The following CDK7 variants were observed in gnomAD, a reference collection of about 807,000 sequenced individuals.
The protein encoded by CDK7 is cyclin-dependent kinase 7.
Under a neutral mutation model 49.1 loss-of-function variants are expected in CDK7, and 25 were observed. The observed-to-expected ratio is 0.51, with a 90% confidence interval of 0.37 to 0.71. CDK7 has a LOEUF of 0.71. Ranked by LOEUF, CDK7 falls within the 30% of genes least tolerant of loss-of-function variation. CDK7 has a pLI of 0.00. For missense variants in CDK7, 316 were observed against 411.7 expected (o/e 0.77, Z 2.01); for synonymous variants, 107 against 140.0 (o/e 0.76, Z 1.67).
intron 2 of CDK7, among the ~76,000 whole-genome samples, chr5:69,249,972 TTC>T (rs1750032968): frequency 1.3e-5 from 2 of 152,274 alleles, no homozygotes; most frequent in African/African-American, 4.8e-5. Flanking sequence ...TCTGAATTCC[TTC>T]TCTGTGTTAT....
intron 9 of CDK7, among the ~76,000 whole-genome samples, chr5:69,270,585 C>G (rs1411484306): frequency 6.6e-6 from 1 of 152,180 alleles, no homozygotes; most frequent in Non-Finnish European, 1.5e-5. Context: ...CCACAAGAAT[C>G]TCTCATGGTA....
At chr5:69,237,722 A>G (rs1749095524) in intron 2 of CDK7, among the ~76,000 whole-genome samples, 1 of 152,100 alleles carries the variant, frequency 6.6e-6, no homozygotes, top group Non-Finnish European at 1.5e-5. Context: ...AGCTCGAGGC[A>G]GGCGGATCAC....
intron 11 of CDK7, 34 bp from the exon 12 acceptor site, chr5:69,277,073 A>G: frequency 6.4e-7 from 1 of 1,561,558 alleles, no homozygotes; most frequent in Non-Finnish European, 8.7e-7. Context: ...AAATGTGAAC[A>G]ACTTTTTTTT....
At position 69,273,559 on chromosome 5, in the gene CDK7, G is replaced by A. The variant is rs551007318; in HGVS notation, c.864+518G>A. On this transcript the variant is annotated intron_variant, in intron 10 of 11. Transcript: ENST00000256443. ...TATAATTGTATGCTTACAAAAGCTT[G>A]AAAAATATTTGAAATAAAACAAAAA... is the stretch of plus-strand genomic sequence containing the variant. 1.3e-4 allele frequency among the ~76,000 whole-genome samples: 20 copies of A among 152,190 alleles called. No homozygotes were observed. The South Asian group carries it at 4.1e-3, about 32-fold the overall frequency.
chr5:69,258,785 T>G (rs1019038097), intron 6 of CDK7, among the ~76,000 whole-genome samples: 15 of 152,192 alleles, frequency 9.9e-5, no homozygotes, highest in African/African-American at 3.4e-4. Flanking sequence ...TATTAAAACA[T>G]AGGTTTTGAC....
chr5:69,268,106 A>G (rs1019292902), intron 8 of CDK7, among the ~76,000 whole-genome samples: 1 of 152,126 alleles, frequency 6.6e-6, no homozygotes. Context: ...GACTACAGGC[A>G]TGCACCACCA....
At chr5:69,250,984 C>T (rs145345120) in intron 2 of CDK7, among the ~76,000 whole-genome samples, 13 of 152,200 alleles carry the variant, frequency 8.5e-5, no homozygotes, top group African/African-American at 2.9e-4. Flanking sequence ...GGCTGGAATG[C>T]AGTGGTGCAA....
chr5:69,235,162 A>G, intron 1 of CDK7, 121 bp downstream of exon 1: 2 of 964,318 alleles, frequency 2.1e-6, no homozygotes, highest in Admixed American at 4.5e-5. Flanking sequence ...CGTTGGGGGA[A>G]ACCGTCCAGA....
intron 6 of CDK7, among the ~76,000 whole-genome samples, chr5:69,258,626 C>T (rs554971007): frequency 1.3e-5 from 2 of 152,214 alleles, no homozygotes; most frequent in Admixed American, 6.5e-5. Context: ...TCGTGATCTG[C>T]CCATCTTGGC....
At chr5:69,268,209 T>C (rs1751286614) in intron 8 of CDK7, among the ~76,000 whole-genome samples, 1 of 152,076 alleles carries the variant, frequency 6.6e-6, no homozygotes. Flanking sequence ...TAGAGTAAGT[T>C]AGGTGCTCTT....
At chr5:69,264,931 A>T (rs373951579) in intron 8 of CDK7, among the ~76,000 whole-genome samples, 1 of 149,730 alleles carries the variant, frequency 6.7e-6, no homozygotes, top group Non-Finnish European at 1.5e-5. Context: ...AGATCACACC[A>T]TTGCACTCCA....
At chr5:69,237,575 CTATG>C (rs1749083378) in intron 2 of CDK7, among the ~76,000 whole-genome samples, 1 of 152,104 alleles carries the variant, frequency 6.6e-6, no homozygotes, top group African/African-American at 2.4e-5. Context: ...ATCCTCCTAT[CTATG>C]AGTTTATTGT....
intron 8 of CDK7, among the ~76,000 whole-genome samples, chr5:69,268,467 C>A (rs1751305014): frequency 1.3e-5 from 2 of 152,052 alleles, no homozygotes. Context: ...AATAACGTAC[C>A]CAATACACTT....
At position 69,235,408 on chromosome 5, in the gene CDK7, CA is replaced by C; in HGVS notation, c.83del (p.Lys28ArgfsTer28). ...LGEGQFATVY[K>X]ARDKNTNQIV... ...TTTCTTTCTAGTTTGCCACCGTTTA[CA>C]AGGCCAGAGATAAGAACACCAACCA... On this transcript the variant is annotated frameshift_variant, in exon 2 of 12. Transcript: ENST00000256443. LOFTEE classifies it high-confidence loss of function. 6.2e-7 allele frequency: 1 copy of C among 1,603,782 alleles called. No individual in the cohort carries two copies. The highest frequency in any genetic ancestry group is 8.5e-7 in the Non-Finnish European group (1 of 1,170,818).
intron 8 of CDK7, among the ~76,000 whole-genome samples, chr5:69,268,428 T>C (rs1751303468): frequency 6.6e-6 from 1 of 152,226 alleles, no homozygotes; most frequent in South Asian, 2.1e-4. Flanking sequence ...GTAAAGGTGC[T>C]GTTTTGTTGG....
chr5:69,266,326 T>G (rs939687646), intron 8 of CDK7, among the ~76,000 whole-genome samples: 2 of 151,878 alleles, frequency 1.3e-5, no homozygotes, highest in Admixed American at 6.6e-5. Context: ...CGGTGGCTTA[T>G]GCCTGTAATC....
chr5:69,246,708 G>GTTT (rs746391556), intron 2 of CDK7, among the ~76,000 whole-genome samples: 1 of 141,392 alleles, frequency 7.1e-6, no homozygotes. Context: ...TTTGTTTTTG[G>GTTT]TTTTTTTTTT....
At chr5:69,244,334 T>G (rs1445707539) in intron 2 of CDK7, among the ~76,000 whole-genome samples, 1 of 152,150 alleles carries the variant, frequency 6.6e-6, no homozygotes, top group Non-Finnish European at 1.5e-5. Context: ...AGTCGTTTTT[T>G]GGTGGAGTCT....
At chr5:69,239,049 T>C (rs1269842958) in intron 2 of CDK7, among the ~76,000 whole-genome samples, 1 of 152,122 alleles carries the variant, frequency 6.6e-6, no homozygotes, top group East Asian at 1.9e-4. Flanking sequence ...ATACATTCCT[T>C]CTCTGGATAG....
Sources: gnomAD v4.1 joint callset for allele counts (sites outside exome capture counted in the v4.1 genomes callset) on GRCh38, gnomAD v4.1.1 for gene constraint, MANE v1.5 for transcripts, NCBI Gene and HGNC (gene_info 2026-07-23, HGNC 2026-07-21) for gene names.